The following CACNA2D3 variants were observed in gnomAD, a reference collection of about 807,000 sequenced individuals.
CACNA2D3 encodes the protein calcium voltage-gated channel auxiliary subunit alpha2delta 3.
Under a neutral mutation model 160.6 loss-of-function variants are expected in CACNA2D3, and 60 were observed. The observed-to-expected ratio is 0.37, with a 90% CI of 0.30 to 0.46. The LOEUF (loss-of-function observed/expected upper bound fraction) is 0.46. Ranked by LOEUF, CACNA2D3 falls within the 20% of genes least tolerant of loss-of-function variation. The probability of loss-of-function intolerance (pLI) is 1.00; values close to 1 mark genes in which losing one functional copy is unlikely to be tolerated. For synonymous variants in CACNA2D3, 558 were observed against 492.9 expected, an observed-to-expected ratio of 1.13 and a Z score of -1.75; for missense variants, 1,205 against 1,365.0, an observed-to-expected ratio of 0.88 and a Z score of 1.85.
At chr3:54,663,301 G>T (rs1427829741) in intron 11 of CACNA2D3, among the ~76,000 whole-genome samples, 2 of 152,176 alleles carry the variant, frequency 1.3e-5, no homozygotes, top group African/African-American at 4.8e-5. Flanking sequence ...CAGAGAGGGG[G>T]TTTGGCTTGT....
At chr3:54,982,381 T>C (rs1277327452) in intron 29 of CACNA2D3, among the ~76,000 whole-genome samples, 1 of 152,130 alleles carries the variant, frequency 6.6e-6, no homozygotes, top group Non-Finnish European at 1.5e-5. Flanking sequence ...GAGAGACTCT[T>C]AACTCCCCTA....
chr3:54,189,384 T>C (rs1700939941), intron 2 of CACNA2D3, among the ~76,000 whole-genome samples: 1 of 152,158 alleles, frequency 6.6e-6, no homozygotes, highest in Admixed American at 6.5e-5. Flanking sequence ...TCCTCCATGG[T>C]AGATAGTCTT....
chr3:54,701,571 A>C (rs1700768361), intron 11 of CACNA2D3, among the ~76,000 whole-genome samples: 1 of 152,228 alleles, frequency 6.6e-6, no homozygotes, highest in African/African-American at 2.4e-5. Flanking sequence ...CGAATTACAA[A>C]ACGCTGCTGA....
At chr3:54,826,376 G>A (rs1261025819) in intron 14 of CACNA2D3, among the ~76,000 whole-genome samples, 1 of 152,162 alleles carries the variant, frequency 6.6e-6, no homozygotes, top group Non-Finnish European at 1.5e-5. Flanking sequence ...CTACCAAGAA[G>A]TTCAAAAACA....
chr3:54,879,582 G>A (rs78258914), intron 20 of CACNA2D3, among the ~76,000 whole-genome samples, 171 bp downstream of exon 20: 13 of 152,134 alleles, frequency 8.5e-5, no homozygotes, highest in African/African-American at 2.2e-4. Context: ...TTCCAGAAGG[G>A]GGGGAGATGG....
intron 11 of CACNA2D3, among the ~76,000 whole-genome samples, chr3:54,716,469 G>C (rs1403981756): frequency 6.6e-6 from 1 of 152,006 alleles, no homozygotes; most frequent in Non-Finnish European, 1.5e-5. Context: ...AAAAGGAGGG[G>C]GTAGACGTTA....
intron 12 of CACNA2D3, among the ~76,000 whole-genome samples, chr3:54,758,616 T>A (rs952723924): frequency 1.3e-5 from 2 of 152,140 alleles, no homozygotes; most frequent in East Asian, 3.9e-4. Context: ...AGGAGGAAGA[T>A]GACACAGAAC....
intron 35 of CACNA2D3, among the ~76,000 whole-genome samples, chr3:55,040,327 T>C (rs902310235): frequency 3.3e-5 from 5 of 152,190 alleles, no homozygotes; most frequent in African/African-American, 1.2e-4. Context: ...CTCTTTTCTC[T>C]TACACTAAAA....
Position 54,970,773 on chromosome 3 carries a change from C to T in CACNA2D3, c.2556+929C>T, listed in dbSNP as rs1025875937. On this transcript the variant is annotated intron_variant, in intron 29 of 37. Coordinates refer to ENST00000474759, the MANE Select transcript of CACNA2D3 (RefSeq NM_018398.3). ...TTGCCATCCCATACCCTCTGCCCCA[C>T]GTTTTGGAGCAGGCAGAAGCATGGT... is the stretch of plus-strand genomic sequence containing the variant. Among the ~76,000 whole-genome samples, 3 of 151,544 alleles carry T rather than the reference C, an allele frequency of 2.0e-5. No homozygotes were observed. In the East Asian group the frequency reaches 6.0e-4, roughly 30 times the overall value.
At chr3:54,654,535 C>G (rs1450923521) in intron 11 of CACNA2D3, among the ~76,000 whole-genome samples, 2 of 152,074 alleles carry the variant, frequency 1.3e-5, no homozygotes, top group African/African-American at 4.8e-5. Context: ...ACAGCCACCA[C>G]CTCAATAGTT....
intron 8 of CACNA2D3, among the ~76,000 whole-genome samples, chr3:54,577,330 C>T (rs1273430125): frequency 6.6e-6 from 1 of 152,114 alleles, no homozygotes; most frequent in East Asian, 1.9e-4. Context: ...CTGCCAAAGA[C>T]CCCGGTCCCT....
intron 4 of CACNA2D3, among the ~76,000 whole-genome samples, chr3:54,461,260 A>T: frequency 6.7e-6 from 1 of 150,290 alleles, no homozygotes. Context: ...GTCTCTGCCC[A>T]GCTTTGGTAT....
At chr3:54,342,021 G>T (rs145788687) in intron 3 of CACNA2D3, among the ~76,000 whole-genome samples, 14 of 152,156 alleles carry the variant, frequency 9.2e-5, no homozygotes, top group Admixed American at 3.9e-4. Flanking sequence ...TCTCCATCTC[G>T]TAGGTGAGGA....
intron 5 of CACNA2D3, among the ~76,000 whole-genome samples, chr3:54,516,119 T>C (rs13322345): frequency 0.089 from 13,622 of 152,240 alleles, 1,353 homozygotes; most frequent in African/African-American, 0.24. Context: ...CACTACCTGA[T>C]GAATGCCTGA....
At chr3:54,218,348 G>A (rs1435509470) in intron 2 of CACNA2D3, among the ~76,000 whole-genome samples, 2 of 152,182 alleles carry the variant, frequency 1.3e-5, no homozygotes, top group Admixed American at 6.5e-5. Context: ...GCTGCCCTGT[G>A]GGATGTGGGA....
chr3:54,712,937 C>G (rs747205986), intron 11 of CACNA2D3, among the ~76,000 whole-genome samples: 1 of 152,134 alleles, frequency 6.6e-6, no homozygotes, highest in Non-Finnish European at 1.5e-5. Context: ...ACCTTAATTC[C>G]CCTTTGTCAT....
chr3:54,929,950 T>G (rs1252553243), intron 27 of CACNA2D3, among the ~76,000 whole-genome samples: 1 of 152,218 alleles, frequency 6.6e-6, no homozygotes, highest in Non-Finnish European at 1.5e-5. Flanking sequence ...CATATCTACC[T>G]GTGTGCCTCT....
intron 35 of CACNA2D3, among the ~76,000 whole-genome samples, chr3:55,024,845 T>G (rs1307071728): frequency 6.6e-6 from 1 of 152,208 alleles, no homozygotes; most frequent in Non-Finnish European, 1.5e-5. Context: ...ATTCCCTGTA[T>G]AAAAAGCTAT....
At chr3:54,321,922 CAAAAAA>C (rs1214395409) in intron 3 of CACNA2D3, among the ~76,000 whole-genome samples, 1 of 100,688 alleles carries the variant, frequency 9.9e-6, no homozygotes, top group South Asian at 3.5e-4. Context: ...GAAATCCTTG[CAAAAAA>C]AAAAAAAAAA....
Sources: gnomAD v4.1 joint callset for allele counts (sites outside exome capture counted in the v4.1 genomes callset) on GRCh38, gnomAD v4.1.1 for gene constraint, MANE v1.5 for transcripts, NCBI Gene and HGNC (gene_info 2026-07-23, HGNC 2026-07-21) for gene names.